STK32B: variants seen among roughly 807,000 people sequenced by gnomAD.
STK32B encodes serine/threonine-protein kinase 32B.
Under a neutral mutation model 52.6 loss-of-function variants are expected in STK32B, and 43 were observed. The observed-to-expected ratio is 0.82, with a 90% confidence interval of 0.64 to 1.05. The LOEUF (loss-of-function observed/expected upper bound fraction) is 1.05. Ranked by LOEUF, STK32B falls within the 50% of genes least tolerant of loss-of-function variation. The pLI, the probability that STK32B is intolerant of heterozygous loss-of-function variation, is 0.00. For missense variants in STK32B, 621 were observed against 534.6 expected (o/e 1.16, Z -1.59); for synonymous variants, 238 against 204.3 (o/e 1.17, Z -1.41).
chr4:5,199,254 C>T (rs779403178), intron 3 of STK32B, among the ~76,000 whole-genome samples: 60 of 152,138 alleles, frequency 3.9e-4, no homozygotes, highest in Admixed American at 1.5e-3. Flanking sequence ...CCAAGCAAGG[C>T]AGGCTTGTGC....
intron 7 of STK32B, among the ~76,000 whole-genome samples, chr4:5,455,862 C>T (rs972318601): frequency 4.6e-5 from 7 of 152,198 alleles, no homozygotes; most frequent in Middle Eastern, 3.2e-3. Flanking sequence ...TAATGGCAGT[C>T]AACTTCATAT....
chr4:5,179,211 A>G (rs570805247), intron 3 of STK32B, among the ~76,000 whole-genome samples: 1 of 152,246 alleles, frequency 6.6e-6, no homozygotes, highest in Non-Finnish European at 1.5e-5. Flanking sequence ...CCAGATGCTT[A>G]TAAAACCATC....
chr4:5,170,461 C>A (rs961043114), intron 3 of STK32B, among the ~76,000 whole-genome samples: 6 of 151,642 alleles, frequency 4.0e-5, no homozygotes, highest in Non-Finnish European at 8.8e-5. Context: ...GCTCCCCCGT[C>A]CCCCCACCCC....
intron 11 of STK32B, among the ~76,000 whole-genome samples, chr4:5,478,609 T>C (rs968715997): frequency 6.6e-6 from 1 of 152,172 alleles, no homozygotes; most frequent in African/African-American, 2.4e-5. Flanking sequence ...TCCGGGAGAC[T>C]GGAAAGATGT....
At position 5,468,044 on chromosome 4, in the gene STK32B, G is replaced by A. The variant is rs777155245; in HGVS notation, c.1080G>A (p.Glu360=). The A allele has an allele frequency of 6.2e-7, 1 of 1,614,150 alleles. No homozygotes were observed. The highest frequency in any genetic ancestry group is 8.5e-7 in the Non-Finnish European group (1 of 1,180,004). Residue 360 remains glutamate (E), a synonymous_variant, in exon 11 of 12, where the codon GAG becomes GAA. Coordinates refer to ENST00000282908, the MANE Select transcript of STK32B (RefSeq NM_018401.3). ...AGCACTGTTTGGAGACTGTCCGGGA[G>A]GAATTCATCATATTCAACAGAGAGA... is the stretch of plus-strand genomic sequence containing the variant. ...HLQHCLETVR[E]EFIIFNREKL... is the part of the protein sequence containing the mutation.
At position 5,249,539 on chromosome 4, in the gene STK32B, C is replaced by T. The variant is rs1725765541; in HGVS notation, c.260+81089C>T. Among the ~76,000 whole-genome samples the T allele has an allele frequency of 2.0e-5, 3 of 148,450 alleles. No individual in the cohort carries two copies. The South Asian group carries it at 6.4e-4, about 32-fold the overall frequency. On this transcript the variant is annotated intron_variant, in intron 3 of 11. Transcript: ENST00000282908. ...CCTTTAAACTTTTCTTCTCTCCTTCCTTCTTTTCTTTCTTAATTATATAAG... is the reference window on the plus strand; with the variant it reads ...CCTTTAAACTTTTCTTCTCTCCTTCTTTCTTTTCTTTCTTAATTATATAAG...
chr4:5,206,739 G>T (rs1722599373), intron 3 of STK32B, among the ~76,000 whole-genome samples: 1 of 152,170 alleles, frequency 6.6e-6, no homozygotes, highest in Non-Finnish European at 1.5e-5. Flanking sequence ...GACAGCATCT[G>T]CCAGAACCAT....
At chr4:5,312,267 T>TTA (rs1730343724) in intron 3 of STK32B, among the ~76,000 whole-genome samples, 1 of 150,188 alleles carries the variant, frequency 6.7e-6, no homozygotes, top group Non-Finnish European at 1.5e-5. Flanking sequence ...GTTTTTTTTT[T>TTA]ATTTTATTAT....
intron 1 of STK32B, among the ~76,000 whole-genome samples, chr4:5,099,885 C>T (rs1379034627): frequency 6.6e-6 from 1 of 152,028 alleles, no homozygotes; most frequent in Non-Finnish European, 1.5e-5. Flanking sequence ...CAGCTGTTGT[C>T]CTGCAGGAAC....
intron 4 of STK32B, among the ~76,000 whole-genome samples, chr4:5,359,401 C>CTCCA (rs1734403104): frequency 6.6e-6 from 1 of 151,622 alleles, no homozygotes; most frequent in Non-Finnish European, 1.5e-5. Flanking sequence ...CCCTCCCTCC[C>CTCCA]TCCCTCCCTC....
At chr4:5,149,291 T>A (rs924456710) in intron 2 of STK32B, among the ~76,000 whole-genome samples, 7 of 152,012 alleles carry the variant, frequency 4.6e-5, no homozygotes, top group African/African-American at 1.4e-4. Context: ...AAATCCATTC[T>A]GACAATTCTG....
At chr4:5,190,874 T>G (rs1721138876) in intron 3 of STK32B, among the ~76,000 whole-genome samples, 3 of 152,076 alleles carry the variant, frequency 2.0e-5, no homozygotes, top group African/African-American at 7.2e-5. Context: ...TCAGAGAAGC[T>G]AAGTGATTGT....
intron 11 of STK32B, among the ~76,000 whole-genome samples, chr4:5,486,562 C>T (rs1332489124): frequency 1.3e-5 from 2 of 152,238 alleles, no homozygotes; most frequent in Admixed American, 1.3e-4. Flanking sequence ...CCTGCTTTGG[C>T]TCACGCTCGG....
chr4:5,128,131 C>G (rs1249430489), intron 1 of STK32B, among the ~76,000 whole-genome samples: 1 of 152,196 alleles, frequency 6.6e-6, no homozygotes, highest in African/African-American at 2.4e-5. Context: ...CCAGAAGAGA[C>G]AAGGACAGAT....
At chr4:5,053,165 G>A (rs969513412) in intron 1 of STK32B, among the ~76,000 whole-genome samples, 3 of 152,200 alleles carry the variant, frequency 2.0e-5, no homozygotes, top group Non-Finnish European at 4.4e-5. Context: ...CACCTGCTGT[G>A]TCAGGCCCAC....
intron 1 of STK32B, among the ~76,000 whole-genome samples, chr4:5,111,359 A>C (rs138109035): frequency 6.6e-6 from 1 of 152,232 alleles, no homozygotes; most frequent in African/African-American, 2.4e-5. Context: ...CACAGAACCA[A>C]TCTAAGTGTC....
chr4:5,134,493 T>C (rs962570698), intron 1 of STK32B, among the ~76,000 whole-genome samples: 8 of 152,124 alleles, frequency 5.3e-5, no homozygotes, highest in Non-Finnish European at 1.0e-4. Flanking sequence ...ATTTTGGACT[T>C]CTTAGCCTCC....
At chr4:5,364,871 TTATTA>T (rs773864066) in intron 4 of STK32B, among the ~76,000 whole-genome samples, 1,713 of 140,900 alleles carry the variant, frequency 0.012, 21 homozygotes, top group South Asian at 0.058. Context: ...GAAAAAAATG[TTATTA>T]TTATTAATTA....
chr4:5,182,463 CTTTT>C (rs1315636884), intron 3 of STK32B, among the ~76,000 whole-genome samples: 1 of 150,330 alleles, frequency 6.7e-6, no homozygotes, highest in Admixed American at 6.7e-5. Context: ...TTTTTTTTTC[CTTTT>C]TTTTTGTTTT....
Sources: allele counts gnomAD v4.1 joint callset (sites outside exome capture counted in the v4.1 genomes callset), GRCh38; gene constraint gnomAD v4.1.1; transcripts MANE v1.5; gene names NCBI Gene and HGNC (gene_info 2026-07-23, HGNC 2026-07-21).